The following E2F3 variants were observed in gnomAD, a reference collection of about 807,000 sequenced individuals.
E2F3 encodes the protein E2F transcription factor 3, also known as transcription factor E2F3.
In E2F3, 11 loss-of-function variants were observed where a neutral mutation model predicts 44.4. The ratio of observed to expected loss-of-function variants is 0.25; its 90% CI spans 0.16 to 0.41. The LOEUF is 0.41. Ranked by LOEUF, E2F3 falls within the 10% of genes least tolerant of loss-of-function variation. The pLI is 1.00. For missense variants in E2F3, 487 were observed against 583.6 expected (o/e 0.83, Z 1.70); for synonymous variants, 249 against 253.0 (o/e 0.98, Z 0.15).
intron 1 of E2F3, among the ~76,000 whole-genome samples, chr6:20,446,333 T>TA (rs1371515296): frequency 1.3e-5 from 2 of 152,158 alleles, no homozygotes; most frequent in Non-Finnish European, 2.9e-5. Context: ...CAGCCTGACT[T>TA]ATAGTAGAGC....
At chr6:20,451,736 C>A (rs1761139112) in intron 1 of E2F3, among the ~76,000 whole-genome samples, 1 of 152,088 alleles carries the variant, frequency 6.6e-6, no homozygotes, top group Admixed American at 6.6e-5. Flanking sequence ...TATGTTCATT[C>A]AATATGTAGT....
intron 1 of E2F3, among the ~76,000 whole-genome samples, chr6:20,457,123 A>G (rs980063111): frequency 6.6e-6 from 1 of 151,678 alleles, no homozygotes; most frequent in Non-Finnish European, 1.5e-5. Context: ...CCTAGGGAAA[A>G]AATGTTCCCT....
intron 1 of E2F3, among the ~76,000 whole-genome samples, chr6:20,434,167 T>G (rs1303031136): frequency 6.6e-6 from 1 of 152,244 alleles, no homozygotes; most frequent in Non-Finnish European, 1.5e-5. Flanking sequence ...AATGATCTTT[T>G]GGTTAAGACC....
At chr6:20,448,746 A>G (rs1304543122) in intron 1 of E2F3, among the ~76,000 whole-genome samples, 1 of 152,194 alleles carries the variant, frequency 6.6e-6, no homozygotes, top group Non-Finnish European at 1.5e-5. Context: ...GTCTATAATT[A>G]GGTGCTTGTG....
In E2F3 at chr6:20,492,824, C is replaced by A. The variant is rs2127631142; in HGVS notation, c.*2394C>A. 2 of 224,928 alleles carry A rather than the reference C, an allele frequency of 8.9e-6. No homozygotes were observed. Among genetic ancestry groups the A allele is most frequent in the Non-Finnish European group, 1.8e-5 (2 of 112,704 alleles). The allele number at this position is 224,928 out of a possible 1,614,324, so 13.9% of individuals were successfully genotyped here. ...TATTTTGTTTGCATTAAGTAATTTTCTTTTTGACTTAGTATCCGGCACACA... is the reference window on the plus strand; with the variant it reads ...TATTTTGTTTGCATTAAGTAATTTTATTTTTGACTTAGTATCCGGCACACA... On this transcript the variant is annotated 3_prime_UTR_variant, in exon 7 of 7. Coordinates refer to ENST00000346618, the MANE Select transcript of E2F3 (RefSeq NM_001949.5).
intron 1 of E2F3, among the ~76,000 whole-genome samples, chr6:20,472,188 A>C (rs750210611): frequency 6.6e-6 from 1 of 152,094 alleles, no homozygotes; most frequent in Non-Finnish European, 1.5e-5. Context: ...GACTGAGTGC[A>C]TGCCATATGC....
At chr6:20,465,861 G>C (rs2127610675) in intron 1 of E2F3, among the ~76,000 whole-genome samples, 1 of 152,212 alleles carries the variant, frequency 6.6e-6, no homozygotes, top group Middle Eastern at 3.4e-3. Flanking sequence ...ATGGGCATTT[G>C]GGTTGGTTCC....
At chr6:20,452,841 C>A (rs931863165) in intron 1 of E2F3, among the ~76,000 whole-genome samples, 3 of 152,132 alleles carry the variant, frequency 2.0e-5, no homozygotes, top group Admixed American at 6.6e-5. Flanking sequence ...GTAGTCCCAG[C>A]TGCTCAGGAA....
chr6:20,415,771 A>G (rs1380405126), intron 1 of E2F3, among the ~76,000 whole-genome samples: 2 of 152,186 alleles, frequency 1.3e-5, no homozygotes, highest in Non-Finnish European at 2.9e-5. Context: ...TACTCTTGGT[A>G]GTGCTCTGTG....
At chr6:20,412,997 GTAT>G (rs1308293188) in intron 1 of E2F3, among the ~76,000 whole-genome samples, 2 of 152,158 alleles carry the variant, frequency 1.3e-5, no homozygotes, top group East Asian at 3.8e-4. Flanking sequence ...TATGAAGTGG[GTAT>G]TATTATCATC....
chr6:20,415,094 G>A (rs1371848244), intron 1 of E2F3, among the ~76,000 whole-genome samples: 1 of 152,098 alleles, frequency 6.6e-6, no homozygotes, highest in Non-Finnish European at 1.5e-5. Flanking sequence ...CCTCCTTCAG[G>A]GAAAACTATT....
intron 6 of E2F3, among the ~76,000 whole-genome samples, chr6:20,489,919 A>T (rs1190632058): frequency 6.6e-6 from 1 of 152,176 alleles, no homozygotes; most frequent in African/African-American, 2.4e-5. Context: ...GCAGTGAGTC[A>T]TGATCACACC....
intron 1 of E2F3, among the ~76,000 whole-genome samples, chr6:20,462,430 C>T (rs866944557): frequency 4.0e-5 from 6 of 150,706 alleles, no homozygotes; most frequent in Non-Finnish European, 5.9e-5. Flanking sequence ...ATTTACCTAT[C>T]GGTATGCCTG....
intron 1 of E2F3, among the ~76,000 whole-genome samples, chr6:20,428,343 C>A (rs144266612): frequency 4.1e-4 from 62 of 152,294 alleles, no homozygotes; most frequent in African/African-American, 1.4e-3. Context: ...CCTGCCTCAG[C>A]CTCCCAAGTA....
In E2F3 at chr6:20,406,469, A is replaced by G. The variant is rs183140036; in HGVS notation, c.393+3844A>G. Among the ~76,000 whole-genome samples, 17 of 152,340 alleles carry G rather than the reference A, an allele frequency of 1.1e-4. 1 individual carries two copies. In the East Asian group the frequency reaches 3.3e-3, roughly 29 times the overall value. On this transcript the variant is annotated intron_variant, in intron 1 of 6. Transcript: ENST00000346618. ...TGAAATAGTGTAAGGCCAGGTGCACATTGTCCCTTTGTTTACATATATGAA... is the reference window on the plus strand; with the variant it reads ...TGAAATAGTGTAAGGCCAGGTGCACGTTGTCCCTTTGTTTACATATATGAA...
intron 1 of E2F3, among the ~76,000 whole-genome samples, chr6:20,440,541 TG>T (rs1346223127): frequency 9.2e-5 from 14 of 152,194 alleles, no homozygotes; most frequent in African/African-American, 3.1e-4. Context: ...TCAGGCTTTT[TG>T]GTAGGAAGTC....
At position 20,488,131 on chromosome 6, in the gene E2F3, G is replaced by A; in HGVS notation, c.1018G>A (p.Ala340Thr). 1.2e-6 allele frequency: 2 copies of A among 1,613,998 alleles called. No homozygotes were observed. Among genetic ancestry groups the A allele is most frequent in the Non-Finnish European group, 8.5e-7 (1 of 1,180,014 alleles). ...TTCATAGAGCCTACAAATACATTTGGCAAGTACCCAAGGGCCCATTGAGGT... is the reference window on the plus strand; with the variant it reads ...TTCATAGAGCCTACAAATACATTTGACAAGTACCCAAGGGCCCATTGAGGT... ...DSIESLQIHL[A>T]STQGPIEVYL... The change falls in exon 6 of 7, where the codon GCA becomes ACA. Residue 340 changes from alanine (A) to threonine (T), a missense_variant. Coordinates refer to ENST00000346618, the MANE Select transcript of E2F3 (RefSeq NM_001949.5).
At chr6:20,472,176 TTGAC>T (rs1761917225) in intron 1 of E2F3, among the ~76,000 whole-genome samples, 1 of 151,888 alleles carries the variant, frequency 6.6e-6, no homozygotes, top group Non-Finnish European at 1.5e-5. Context: ...ATAAGTCAAT[TTGAC>T]TGAGTGCATG....
intron 1 of E2F3, among the ~76,000 whole-genome samples, chr6:20,441,294 A>G (rs1760765031): frequency 6.6e-6 from 1 of 152,200 alleles, no homozygotes; most frequent in African/African-American, 2.4e-5. Context: ...CACTTAGCAC[A>G]ATGTCTTTAA....
Sources: gnomAD v4.1 joint callset for allele counts (sites outside exome capture counted in the v4.1 genomes callset) on GRCh38, gnomAD v4.1.1 for gene constraint, MANE v1.5 for transcripts, NCBI Gene and HGNC (gene_info 2026-07-23, HGNC 2026-07-21) for gene names.